DIS3L2: variants seen among roughly 807,000 people sequenced by gnomAD.
The protein encoded by DIS3L2 is DIS3-like exonuclease 2.
A neutral mutation model predicts 97.5 loss-of-function variants in DIS3L2; 34 were observed. The ratio of observed to expected loss-of-function variants is 0.35; its 90% CI spans 0.27 to 0.46. The LOEUF is 0.46. DIS3L2 is among the 20% of genes least tolerant of loss of function. DIS3L2 has a pLI of 1.00. For missense variants in DIS3L2, 1,038 were observed against 1,146.0 expected (o/e 0.91, Z 1.36); for synonymous variants, 435 against 445.2 (o/e 0.98, Z 0.29).
At chr2:232,145,092 T>C (rs911776616) in intron 8 of DIS3L2, among the ~76,000 whole-genome samples, 1 of 152,232 alleles carries the variant, frequency 6.6e-6, no homozygotes, top group African/African-American at 2.4e-5. Flanking sequence ...CTGTTTCTGC[T>C]TAATTTCACC....
At chr2:232,319,855 G>T (rs530836436) in intron 14 of DIS3L2, among the ~76,000 whole-genome samples, 1 of 152,310 alleles carries the variant, frequency 6.6e-6, no homozygotes, top group South Asian at 2.1e-4. Context: ...GCATGGTCTG[G>T]CCTCACCATC....
intron 5 of DIS3L2, among the ~76,000 whole-genome samples, chr2:232,077,522 T>C (rs1289145341): frequency 3.9e-5 from 6 of 152,204 alleles, no homozygotes; most frequent in African/African-American, 1.4e-4. Flanking sequence ...TCTGTCTATA[T>C]TTTCACTGCT....
At chr2:232,000,591 G>C (rs1693851812) in intron 1 of DIS3L2, among the ~76,000 whole-genome samples, 1 of 63,792 alleles carries the variant, frequency 1.6e-5, no homozygotes, top group African/African-American at 7.0e-5. Flanking sequence ...AAATGAGAGG[G>C]ATTTCCTTTT....
At chr2:232,107,167 T>G (rs1283867577) in intron 6 of DIS3L2, among the ~76,000 whole-genome samples, 4 of 152,024 alleles carry the variant, frequency 2.6e-5, no homozygotes, top group Non-Finnish European at 5.9e-5. Context: ...AGATCTCAGG[T>G]TAACAACCTA....
chr2:232,111,193 A>G (rs1357448883), intron 6 of DIS3L2: 1 of 470,934 alleles, frequency 2.1e-6, no homozygotes, highest in Non-Finnish European at 4.4e-6. Context: ...CTTCTGTTTT[A>G]CAGACAATGA....
intron 6 of DIS3L2, among the ~76,000 whole-genome samples, chr2:232,118,485 A>G (rs560840294): frequency 3.9e-5 from 6 of 152,292 alleles, no homozygotes; most frequent in South Asian, 4.2e-4. Flanking sequence ...TGTTTTTACA[A>G]TTGACTTAAA....
chr2:232,155,775 G>A (rs911623908), intron 8 of DIS3L2, among the ~76,000 whole-genome samples: 1 of 152,110 alleles, frequency 6.6e-6, no homozygotes, highest in Admixed American at 6.5e-5. Flanking sequence ...CAGATCACGA[G>A]GTCAGGAGAT....
At chr2:232,049,267 T>C (rs12475324) in intron 5 of DIS3L2, among the ~76,000 whole-genome samples, 15,146 of 152,232 alleles carry the variant, frequency 0.099, 848 homozygotes, top group African/African-American at 0.15. Context: ...TTTAAATTCT[T>C]AAAGAGGAAT....
At chr2:231,999,953 C>T (rs530190664) in intron 1 of DIS3L2, among the ~76,000 whole-genome samples, 21 of 152,138 alleles carry the variant, frequency 1.4e-4, no homozygotes, top group South Asian at 6.2e-4. Flanking sequence ...GTGATGAGAA[C>T]ACTTAAAATA....
At chr2:232,075,633 A>C (rs561048963) in intron 5 of DIS3L2, among the ~76,000 whole-genome samples, 1 of 152,084 alleles carries the variant, frequency 6.6e-6, no homozygotes, top group Non-Finnish European at 1.5e-5. Flanking sequence ...GATGTTCCTC[A>C]TCATCTTGCA....
At chr2:232,243,953 T>C (rs1693175899) in intron 11 of DIS3L2, among the ~76,000 whole-genome samples, 1 of 152,198 alleles carries the variant, frequency 6.6e-6, no homozygotes, top group Admixed American at 6.5e-5. Flanking sequence ...CAAAAGTCCA[T>C]TTACTAAATT....
At chr2:232,223,747 CA>C (rs1295780040) in intron 10 of DIS3L2, among the ~76,000 whole-genome samples, 1 of 152,000 alleles carries the variant, frequency 6.6e-6, no homozygotes, top group Non-Finnish European at 1.5e-5. Flanking sequence ...TGGTGCTAGA[CA>C]AAAAGTAAGT....
intron 1 of DIS3L2, among the ~76,000 whole-genome samples, chr2:231,969,372 G>A (rs572502437): frequency 1.6e-4 from 23 of 147,218 alleles, no homozygotes; most frequent in South Asian, 4.3e-4. Context: ...GTGCAGTGGC[G>A]CAATCTTGGC....
chr2:232,339,613 T>C, downstream of DIS3L2: 1 of 422,472 alleles, frequency 2.4e-6, no homozygotes, highest in South Asian at 1.6e-5. Context: ...CAAGAGCCTC[T>C]CCAGGCCACT....
At chr2:231,996,012 A>T (rs944667627) in intron 1 of DIS3L2, among the ~76,000 whole-genome samples, 2 of 152,252 alleles carry the variant, frequency 1.3e-5, no homozygotes, top group African/African-American at 4.8e-5. Context: ...AAGCATGGGC[A>T]TCTTTAGTAC....
intron 6 of DIS3L2, among the ~76,000 whole-genome samples, chr2:232,121,444 T>C (rs1697902257): frequency 6.6e-6 from 1 of 152,152 alleles, no homozygotes; most frequent in African/African-American, 2.4e-5. Flanking sequence ...GTCTACTCAT[T>C]CATTTGCTGT....
intron 1 of DIS3L2, among the ~76,000 whole-genome samples, chr2:231,966,934 T>A (rs1288788973): frequency 6.6e-6 from 1 of 152,182 alleles, no homozygotes; most frequent in Non-Finnish European, 1.5e-5. Flanking sequence ...TAGCAAGAAC[T>A]TGATGCCTTA....
chr2:232,149,222 G>C (rs1384056800), intron 8 of DIS3L2, among the ~76,000 whole-genome samples: 2 of 144,756 alleles, frequency 1.4e-5, no homozygotes, highest in African/African-American at 5.3e-5. Flanking sequence ...TATATTCTAA[G>C]TTTTAGGGTA....
At chr2:232,010,053 T>A (rs1694152482) in intron 1 of DIS3L2, among the ~76,000 whole-genome samples, 1 of 152,194 alleles carries the variant, frequency 6.6e-6, no homozygotes, top group Non-Finnish European at 1.5e-5. Context: ...GAGTGTGGGA[T>A]GATAGGAGCC....
Sources: gnomAD v4.1 joint callset for allele counts (sites outside exome capture counted in the v4.1 genomes callset) on GRCh38, gnomAD v4.1.1 for gene constraint, MANE v1.5 for transcripts, NCBI Gene and HGNC (gene_info 2026-07-23, HGNC 2026-07-21) for gene names.